DDX25: variants seen among roughly 807,000 people sequenced by gnomAD.
DDX25 encodes DEAD-box helicase 25.
In DDX25, 70 loss-of-function variants were observed where a neutral mutation model predicts 64.6. That is an observed-to-expected ratio of 1.08 (90% confidence interval 0.89 to 1.32). The LOEUF is 1.32. Among genes scored for constraint, DDX25 ranks in the 40% most tolerant of loss-of-function variants. The pLI, the probability that DDX25 is intolerant of heterozygous loss-of-function variation, is 0.00. For synonymous variants in DDX25, 211 were observed against 213.3 expected (o/e 0.99, Z 0.09); for missense variants, 587 against 604.4 (o/e 0.97, Z 0.30).
At chr11:125,909,318 T>G (rs1390603654) in intron 6 of DDX25, among the ~76,000 whole-genome samples, 1 of 152,228 alleles carries the variant, frequency 6.6e-6, no homozygotes, top group African/African-American at 2.4e-5. Context: ...GTTTAGGGTT[T>G]GATATTATCA....
chr11:125,919,497 GA>G (rs1945083204), intron 10 of DDX25, among the ~76,000 whole-genome samples: 1 of 151,330 alleles, frequency 6.6e-6, no homozygotes, highest in Non-Finnish European at 1.5e-5. Context: ...TAATGATGTT[GA>G]GCATCTCTCT....
In DDX25 at chr11:125,910,492, A is replaced by C. The variant is rs780088137; in HGVS notation, c.622+14A>C. The C allele has an allele frequency of 6.8e-6, 11 of 1,611,594 alleles. No homozygotes were observed. In the East Asian group the frequency reaches 2.5e-4, roughly 36 times the overall value. Reference sequence around the variant, plus strand: ...GAGGGAATCGAAGTATGTACCAGTAAGCCAGTCCTGGCTGATTTTTCAAAT... The same window carrying C: ...GAGGGAATCGAAGTATGTACCAGTACGCCAGTCCTGGCTGATTTTTCAAAT... On this transcript the variant is annotated intron_variant, in intron 7 of 11. Transcript: ENST00000263576.
Position 125,922,989 on chromosome 11 carries a change from C to G in DDX25, c.*108C>G. The G allele has an allele frequency of 3.1e-6, 3 of 959,712 alleles. No homozygotes were observed. Among genetic ancestry groups the G allele is most frequent in the Non-Finnish European group, 3.1e-6 (2 of 655,412 alleles). The allele number at this position is 959,712 out of a possible 1,614,324, so 59.4% of individuals were successfully genotyped here. A position where few individuals can be genotyped will look rare whatever the true frequency, so the allele number is the denominator to read the frequency against. On this transcript the variant is annotated 3_prime_UTR_variant, in exon 12 of 12. Coordinates refer to ENST00000263576, the MANE Select transcript of DDX25 (RefSeq NM_013264.5). ...AGGCTTTTTCGACGTGAAACTGTCA[C>G]AGATGGCAAAATAAATGTCACGGTA...
At position 125,917,004 on chromosome 11, in the gene DDX25, T is replaced by C; in HGVS notation, c.801-10T>C. On this transcript the variant is annotated splice_polypyrimidine_tract_variant and intron_variant, in intron 8 of 11. Transcript: ENST00000263576. Reference sequence around the variant, plus strand: ...GCAGCTTGGTGACAGCCTTCTCTCCTCTATCACAGAGCTCTACCCTCCGAA... The same window carrying C: ...GCAGCTTGGTGACAGCCTTCTCTCCCCTATCACAGAGCTCTACCCTCCGAA... 1.3e-6 allele frequency: 2 copies of C among 1,577,358 alleles called. No homozygotes were observed. The highest frequency in any genetic ancestry group is 1.8e-5 in the Admixed American group (1 of 54,064).
rs1945138069 is a variant in DDX25 at position 125,923,414 on chromosome 11, A to G, written c.*533A>G. On this transcript the variant is annotated 3_prime_UTR_variant, in exon 12 of 12. Coordinates refer to ENST00000263576, the MANE Select transcript of DDX25 (RefSeq NM_013264.5). ...CTTTTAAAAAGTGAAACCATTTGAA[A>G]GAAAGAGTATTTTACTTCTTTAATG... The G allele has an allele frequency of 6.6e-6, 1 of 152,350 alleles. No individual in the cohort carries two copies. The highest frequency in any genetic ancestry group is 1.5e-5 in the Non-Finnish European group (1 of 68,114). The allele number at this position is 152,350 out of a possible 1,614,324, so 9.4% of individuals were successfully genotyped here.
rs767352361 is a variant in DDX25 at position 125,904,800 on chromosome 11, C to T, written c.63+220C>T. 5.0e-6 allele frequency: 3 copies of T among 598,420 alleles called. No individual in the cohort carries two copies. The South Asian group carries it at 6.3e-5, about 12-fold the overall frequency. The allele number at this position is 598,420 out of a possible 1,614,324, so 37.1% of individuals were successfully genotyped here. ...CTTTGGTTAGAAAGGGCAAAAATGACGACCCCTGGAAATCCAGGGTGGGAA... is the reference window on the plus strand; with the variant it reads ...CTTTGGTTAGAAAGGGCAAAAATGATGACCCCTGGAAATCCAGGGTGGGAA... On this transcript the variant is annotated intron_variant, in intron 1 of 11. Coordinates refer to ENST00000263576, the MANE Select transcript of DDX25 (RefSeq NM_013264.5).
chr11:125,921,124 T>C lies in DDX25; in HGVS notation c.1202-67T>C, dbSNP rs1945108398. 8.4e-6 allele frequency: 12 copies of C among 1,433,894 alleles called. No individual in the cohort carries two copies. The highest frequency in any genetic ancestry group is 1.1e-5 in the Non-Finnish European group (12 of 1,073,326). The allele number at this position is 1,433,894 out of a possible 1,614,324, so 88.8% of individuals were successfully genotyped here. On this transcript the variant is annotated intron_variant, in intron 10 of 11. Coordinates refer to ENST00000263576, the MANE Select transcript of DDX25 (RefSeq NM_013264.5). This position sits in a 1 kb window ranked among gnomAD's most constrained non-coding sequence, Gnocchi z 4.1. Reference sequence around the variant, plus strand: ...TAAATAGGAATTCCCTTGGCAGACGTGGTACTTGAATGGCCCGTGTACTGA... The same window carrying C: ...TAAATAGGAATTCCCTTGGCAGACGCGGTACTTGAATGGCCCGTGTACTGA...
intron 4 of DDX25, among the ~76,000 whole-genome samples, chr11:125,907,533 G>A (rs563703030): frequency 2.4e-4 from 36 of 151,872 alleles, no homozygotes; most frequent in Admixed American, 7.2e-4. Context: ...GCGTGAACCC[G>A]GGAGGTGGAG....
chr11:125,918,126 C>A (rs1269334285), intron 9 of DDX25, among the ~76,000 whole-genome samples: 1 of 152,184 alleles, frequency 6.6e-6, no homozygotes, highest in Non-Finnish European at 1.5e-5. Flanking sequence ...GGTGATCCAC[C>A]CGCCTTGGCC....
upstream of DDX25, chr11:125,904,439 T>C (rs1042677345): frequency 6.1e-6 from 8 of 1,302,394 alleles, no homozygotes; most frequent in Non-Finnish European, 6.9e-6. Flanking sequence ...AGGAAGCCCA[T>C]TGGCCAGCGG....
rs959212197 is a variant in DDX25 at position 125,928,755 on chromosome 11, A to C, written c.*5874A>C. ...TGCCCATTTATCTTGTGGGATGTTA[A>C]TGGTTTCCTTGTCAAGTTGTGTGAA... On this transcript the variant is annotated 3_prime_UTR_variant, in exon 12 of 12. Transcript: ENST00000263576. 2 of 152,180 alleles carry C rather than the reference A, an allele frequency of 1.3e-5. No individual in the cohort carries two copies. Among genetic ancestry groups the C allele is most frequent in the Non-Finnish European group, 2.9e-5 (2 of 68,020 alleles). 9.4% of individuals were successfully genotyped at this position (152,180 alleles called of 1,614,324 possible).
At chr11:125,911,232 T>G (rs1944963350) in intron 7 of DDX25, 79 bp from the exon 8 acceptor site, 2 of 1,269,720 alleles carry the variant, frequency 1.6e-6, no homozygotes, top group Non-Finnish European at 2.0e-6. Flanking sequence ...CTTATGAGCT[T>G]TATATTGCAC....
intron 8 of DDX25, among the ~76,000 whole-genome samples, chr11:125,912,974 G>A (rs762389368): frequency 1.5e-4 from 23 of 151,926 alleles, no homozygotes; most frequent in Non-Finnish European, 3.2e-4. Flanking sequence ...TGGCTAACAC[G>A]GTGAAACCCC....
In DDX25 at chr11:125,927,420, G is replaced by A. The variant is rs528029049; in HGVS notation, c.*4539G>A. ...TCTCCCTCTTGTATTCAGAAGAACT[G>A]AAAGTTTTCATAAGTCTCTAGAGAA... On this transcript the variant is annotated 3_prime_UTR_variant, in exon 12 of 12. Coordinates refer to ENST00000263576, the MANE Select transcript of DDX25 (RefSeq NM_013264.5). The A allele has an allele frequency of 1.3e-5, 2 of 152,324 alleles. No individual in the cohort carries two copies. Among genetic ancestry groups the A allele is most frequent in the South Asian group, 4.1e-4 (2 of 4,830 alleles). 9.4% of individuals were successfully genotyped at this position (152,324 alleles called of 1,614,324 possible). A position where few individuals can be genotyped will look rare whatever the true frequency, so the allele number is the denominator to read the frequency against.
At chr11:125,904,716 A>G (rs2134270663) in intron 1 of DDX25, 136 bp downstream of exon 1, 1 of 1,081,200 alleles carries the variant, frequency 9.2e-7, no homozygotes, top group Non-Finnish European at 1.3e-6. Flanking sequence ...AGATGCGGGA[A>G]GGGTTTGGAA....
Position 125,906,111 on chromosome 11 carries a change from C to T in DDX25, c.213C>T (p.Ile71=). The change falls in exon 4 of 12, where the codon ATC becomes ATT. Residue 71 remains isoleucine, a synonymous_variant. Coordinates refer to ENST00000263576, the MANE Select transcript of DDX25 (RefSeq NM_013264.5). Reference sequence around the variant, plus strand: ...CTAATTCACTCTTAAACAAGTTAATCCATCAATCCTTAGTAGAATCCAGTC... The same window carrying T: ...CTAATTCACTCTTAAACAAGTTAATTCATCAATCCTTAGTAGAATCCAGTC... The part of the protein sequence containing the change: ...LAANSLLNKL[I]HQSLVESSHR... The T allele has an allele frequency of 6.5e-7, 1 of 1,547,390 alleles. No individual in the cohort carries two copies. Among genetic ancestry groups the T allele is most frequent in the Admixed American group, 2.0e-5 (1 of 49,928 alleles).
chr11:125,912,295 C>T lies in DDX25; in HGVS notation c.800+807C>T, dbSNP rs1040227973. ...ACCACCCATTCTACCTTTCCTATCC[C>T]CCCATTACCTCTCTGTAATTATGTC... On this transcript the variant is annotated intron_variant, in intron 8 of 11. Transcript: ENST00000263576. Among the ~76,000 whole-genome samples the T allele has an allele frequency of 2.0e-5, 3 of 152,030 alleles. No homozygotes were observed. In the South Asian group the frequency reaches 6.2e-4, roughly 32 times the overall value.
rs1264308891 is a variant in DDX25, at chr11:125,928,422, G to T, written c.*5541G>T. 6.6e-6 allele frequency: 1 copy of T among 152,152 alleles called. No individual in the cohort carries two copies. The highest frequency in any genetic ancestry group is 1.9e-4 in the East Asian group (1 of 5,200). 9.4% of individuals were successfully genotyped at this position (152,152 alleles called of 1,614,324 possible). A position where few individuals can be genotyped will look rare whatever the true frequency, so the allele number is the denominator to read the frequency against. Reference sequence around the variant, plus strand: ...CAAAGCTTTAATTATAAATCATGCTGCAGTAAATATCTTCTCGCCCAATAT... The same window carrying T: ...CAAAGCTTTAATTATAAATCATGCTTCAGTAAATATCTTCTCGCCCAATAT... On this transcript the variant is annotated 3_prime_UTR_variant, in exon 12 of 12. Transcript: ENST00000263576.
Position 125,911,478 on chromosome 11 carries a change from C to A in DDX25, c.790C>A (p.Arg264Ser). 1 of 1,613,538 alleles carries A rather than the reference C, an allele frequency of 6.2e-7. No individual in the cohort carries two copies. Among genetic ancestry groups the A allele is most frequent in the African/African-American group, 1.3e-5 (1 of 75,036 alleles). ...DTQGFSDHSI[R>S]IQRALPSECQ... ...TCAAGGATTCTCAGATCATAGTATT[C>A]GTATTCAAAGGTAATCTTCAGAGTC... The change falls in exon 8 of 12, where the codon CGT (arginine) becomes AGT (serine). Residue 264 changes from arginine (R) to serine (S), a missense_variant. By Grantham distance (110) the Arg-to-Ser change is moderately radical. Transcript: ENST00000263576.
Sources: allele counts gnomAD v4.1 joint callset (sites outside exome capture counted in the v4.1 genomes callset), GRCh38; gene constraint gnomAD v4.1.1; non-coding constraint Gnocchi (gnomAD v3.1); transcripts MANE v1.5; gene names NCBI Gene and HGNC (gene_info 2026-07-23, HGNC 2026-07-21).